The following NT5C2 variants were observed in gnomAD, a reference collection of about 807,000 sequenced individuals.
NT5C2 encodes cytosolic purine 5'-nucleotidase.
In NT5C2, 58 loss-of-function variants were observed where a neutral mutation model predicts 76.1. The ratio of observed to expected loss-of-function variants is 0.76; its 90% confidence interval spans 0.62 to 0.95. NT5C2 has a LOEUF of 0.95. NT5C2 is among the 40% of genes least tolerant of loss of function. The probability of loss-of-function intolerance (pLI) is 0.00; values close to 1 mark genes in which losing one functional copy is unlikely to be tolerated. For synonymous variants in NT5C2, 229 were observed against 237.4 expected, an observed-to-expected ratio of 0.96 and a Z score of 0.32; for missense variants, 478 against 690.3, an observed-to-expected ratio of 0.69 and a Z score of 3.45.
intron 4 of NT5C2, among the ~76,000 whole-genome samples, chr10:103,122,566 G>A (rs1224512745): frequency 1.3e-5 from 2 of 152,148 alleles, no homozygotes; most frequent in African/African-American, 2.4e-5. Flanking sequence ...ATAGGATTTA[G>A]GACATCTGAA....
intron 12 of NT5C2, among the ~76,000 whole-genome samples, chr10:103,095,352 G>A (rs2067931173): frequency 6.6e-6 from 1 of 152,208 alleles, no homozygotes; most frequent in South Asian, 2.1e-4. Context: ...GATTTCAGGT[G>A]TTCTCAAAAC....
intron 4 of NT5C2, among the ~76,000 whole-genome samples, chr10:103,133,191 A>G (rs763947069): frequency 6.6e-6 from 1 of 152,206 alleles, no homozygotes; most frequent in Non-Finnish European, 1.5e-5. Flanking sequence ...GTCTGCTGCC[A>G]TATGAGACAT....
chr10:103,123,713 A>G (rs2076143506), intron 4 of NT5C2, among the ~76,000 whole-genome samples: 1 of 152,190 alleles, frequency 6.6e-6, no homozygotes, highest in African/African-American at 2.4e-5. Context: ...AGAAATAAGG[A>G]GCTTATTGCT....
intron 1 of NT5C2, among the ~76,000 whole-genome samples, chr10:103,188,367 A>T (rs2092300671): frequency 6.6e-6 from 1 of 152,278 alleles, no homozygotes; most frequent in South Asian, 2.1e-4. Flanking sequence ...TGAATAAATA[A>T]ATAAAAAATA....
chr10:103,138,899 T>C (rs1006010691), intron 4 of NT5C2, among the ~76,000 whole-genome samples: 4 of 151,750 alleles, frequency 2.6e-5, no homozygotes, highest in Admixed American at 1.3e-4. Context: ...CCCAGCTACC[T>C]GGGAGGCTGA....
chr10:103,186,060 T>C (rs1254917258), intron 1 of NT5C2, among the ~76,000 whole-genome samples: 1 of 152,208 alleles, frequency 6.6e-6, no homozygotes, highest in African/African-American at 2.4e-5. Flanking sequence ...ATTATCCTCA[T>C]TTTACGAAGA....
At chr10:103,150,011 A>G (rs958783944) in intron 3 of NT5C2, among the ~76,000 whole-genome samples, 1 of 151,466 alleles carries the variant, frequency 6.6e-6, no homozygotes, top group African/African-American at 2.4e-5. Context: ...GCTTTACAAA[A>G]TTTTAAATCA....
intron 14 of NT5C2, 112 bp downstream of exon 14, chr10:103,093,860 A>G: frequency 1.3e-6 from 1 of 777,390 alleles, no homozygotes. Context: ...CCTTCAGTAG[A>G]TGACATCTTA....
intron 6 of NT5C2, among the ~76,000 whole-genome samples, chr10:103,102,231 TGGGATCCAAGCAGAG>T (rs1483572177): frequency 6.6e-6 from 1 of 151,910 alleles, no homozygotes; most frequent in Non-Finnish European, 1.5e-5. Flanking sequence ...TAGCAGCAAA[TGGGATCCAAGCAGAG>T]ACCTAGAAAA....
intron 2 of NT5C2, among the ~76,000 whole-genome samples, chr10:103,177,681 C>T (rs1024255171): frequency 6.6e-6 from 1 of 152,058 alleles, no homozygotes; most frequent in African/African-American, 2.4e-5. Context: ...ACTACAAAAC[C>T]CAGCTAATTA....
At chr10:103,091,090 AG>A (rs1427211514) in intron 16 of NT5C2, 94 bp from the exon 17 acceptor site, 13 of 1,146,040 alleles carry the variant, frequency 1.1e-5, no homozygotes, top group Non-Finnish European at 1.7e-5. Flanking sequence ...GCTGGAGTGC[AG>A]GGGTGTGATC....
At chr10:103,165,775 G>A (rs2086233575) in intron 3 of NT5C2, among the ~76,000 whole-genome samples, 1 of 148,374 alleles carries the variant, frequency 6.7e-6, no homozygotes, top group Non-Finnish European at 1.5e-5. Context: ...AGGTTCAAGC[G>A]ATTCTCCTGC....
intron 9 of NT5C2, among the ~76,000 whole-genome samples, chr10:103,099,637 A>G (rs532756203): frequency 4.6e-5 from 7 of 152,154 alleles, no homozygotes; most frequent in Non-Finnish European, 1.0e-4. Flanking sequence ...ACTGTCATCC[A>G]CAAAGGATAT....
chr10:103,163,965 A>C (rs953100925), intron 3 of NT5C2, among the ~76,000 whole-genome samples: 2 of 151,902 alleles, frequency 1.3e-5, no homozygotes, highest in Admixed American at 1.3e-4. Flanking sequence ...GCAGCCAGGC[A>C]TGGTGACTCA....
chr10:103,094,280 G>GT, intron 13 of NT5C2, 68 bp downstream of exon 13: 1 of 1,064,350 alleles, frequency 9.4e-7, no homozygotes, highest in Non-Finnish European at 1.5e-6. Context: ...CTTATGTAGA[G>GT]TAAGAGTGGG....
chr10:103,105,912 A>C (rs954969338), intron 5 of NT5C2, 111 bp from the exon 6 acceptor site: 7 of 695,064 alleles, frequency 1.0e-5, no homozygotes, highest in Non-Finnish European at 1.7e-5. Context: ...GCTTTGTACC[A>C]ACTCAAAGTA....
chr10:103,172,409 C>T (rs1175791772), intron 3 of NT5C2, among the ~76,000 whole-genome samples: 2 of 151,290 alleles, frequency 1.3e-5, no homozygotes, highest in African/African-American at 2.4e-5. Context: ...CCACCACACC[C>T]GGCTAATTTT....
chr10:103,112,271 A>T (rs2073212422), intron 4 of NT5C2, among the ~76,000 whole-genome samples: 2 of 152,104 alleles, frequency 1.3e-5, no homozygotes, highest in African/African-American at 4.8e-5. Flanking sequence ...GCTTCCAAGT[A>T]CCCATTTTAG....
intron 3 of NT5C2, 88 bp downstream of exon 3, chr10:103,174,760 TTATTTACTTA>T: frequency 1.2e-6 from 1 of 828,456 alleles, no homozygotes; most frequent in South Asian, 1.4e-5. Context: ...ACGATCTGGG[TTATTTACTTA>T]ACCTCTCTGT....
Sources: gnomAD v4.1 joint callset for allele counts (sites outside exome capture counted in the v4.1 genomes callset) on GRCh38, gnomAD v4.1.1 for gene constraint, MANE v1.5 for transcripts, NCBI Gene and HGNC (gene_info 2026-07-23, HGNC 2026-07-21) for gene names.